Variants in ARHGAP42 observed in about 807,000 individuals in gnomAD.
The protein encoded by ARHGAP42 is Rho GTPase activating protein 42.
A neutral mutation model predicts 125.0 loss-of-function variants in ARHGAP42; 63 were observed. The ratio of observed to expected loss-of-function variants is 0.50; its 90% confidence interval spans 0.41 to 0.62. The LOEUF is 0.62. ARHGAP42 is among the 20% of genes least tolerant of loss of function. The pLI is 0.00. For missense variants in ARHGAP42, 766 were observed against 1,024.2 expected (o/e 0.75, Z 3.44); for synonymous variants, 339 against 351.0 (o/e 0.97, Z 0.38).
chr11:100,962,415 T>A lies in ARHGAP42; in HGVS notation c.1392T>A (p.Leu464=). 1.3e-6 allele frequency: 2 copies of A among 1,551,100 alleles called. No individual in the cohort carries two copies. The highest frequency in any genetic ancestry group is 1.7e-6 in the Non-Finnish European group (2 of 1,146,566). ...TTTCCTTTCTCTGTTGTAGGTGCCTTGCAGAACCACTGATGACTTACAAGT... is the reference window on the plus strand; with the variant it reads ...TTTCCTTTCTCTGTTGTAGGTGCCTAGCAGAACCACTGATGACTTACAAGT... ...TSGLKNYLRC[L]AEPLMTYKLH... Residue 464 remains leucine (L), a synonymous_variant, in exon 16 of 24, where the codon CTT becomes CTA. Coordinates refer to ENST00000298815, the MANE Select transcript of ARHGAP42 (RefSeq NM_152432.4).
chr11:100,976,768 A>G, intron 20 of ARHGAP42, 47 bp from the exon 21 acceptor site: 1 of 1,543,508 alleles, frequency 6.5e-7, no homozygotes. Flanking sequence ...TATTGCTATT[A>G]TGTTGTCTAA....
chr11:100,942,944 A>G (rs572030306), intron 9 of ARHGAP42, among the ~76,000 whole-genome samples: 51 of 152,230 alleles, frequency 3.4e-4, no homozygotes, highest in African/African-American at 9.1e-4. Context: ...CCAAAGTTCT[A>G]TTAATCAATT....
chr11:100,967,682 A>G (rs570577499), intron 17 of ARHGAP42, among the ~76,000 whole-genome samples: 3 of 152,054 alleles, frequency 2.0e-5, no homozygotes, highest in Non-Finnish European at 4.4e-5. Context: ...CTATATATAT[A>G]TGTTTATAAT....
chr11:100,862,276 AG>A (rs879879951), intron 4 of ARHGAP42, among the ~76,000 whole-genome samples: 18 of 152,320 alleles, frequency 1.2e-4, no homozygotes, highest in Admixed American at 1.1e-3. Flanking sequence ...TTTATTTCAG[AG>A]CCTTGACTTA....
intron 1 of ARHGAP42, among the ~76,000 whole-genome samples, chr11:100,721,479 C>CT (rs139031761): frequency 0.24 from 35,208 of 147,574 alleles, 4,242 homozygotes; most frequent in Non-Finnish European, 0.26. Flanking sequence ...CTTTTCTTTT[C>CT]TTTTTTTTTT....
rs10644950 is a variant in ARHGAP42 at position 100,960,232 on chromosome 11, A to ATTT, written c.1225+296_1225+298dup. ...ATTTATTACTGCAAGCACCTCTTTG[A>ATTT]TTTTTTTTTTTCCAAGCATTAAGGA... is the stretch of plus-strand genomic sequence containing the variant. On this transcript the variant is annotated intron_variant, in intron 13 of 23. Coordinates refer to ENST00000298815, the MANE Select transcript of ARHGAP42 (RefSeq NM_152432.4). Among the ~76,000 whole-genome samples, 442 of 147,464 alleles carry ATTT rather than the reference A, an allele frequency of 3.0e-3. 5 individuals carry two copies. The highest frequency in any genetic ancestry group is 8.6e-3 in the African/African-American group (346 of 40,286).
intron 1 of ARHGAP42, among the ~76,000 whole-genome samples, chr11:100,712,345 AT>A (rs1213841068): frequency 1.3e-5 from 2 of 152,242 alleles, no homozygotes; most frequent in Non-Finnish European, 2.9e-5. Context: ...TATCTAGACA[AT>A]TAAATATAAC....
chr11:100,985,274 C>T (rs1241341289), intron 22 of ARHGAP42, among the ~76,000 whole-genome samples: 1 of 152,042 alleles, frequency 6.6e-6, no homozygotes, highest in Non-Finnish European at 1.5e-5. Context: ...CCTTATCGAT[C>T]TCTTTATAAT....
At chr11:100,900,128 C>G (rs1351858440) in intron 4 of ARHGAP42, among the ~76,000 whole-genome samples, 1 of 151,910 alleles carries the variant, frequency 6.6e-6, no homozygotes, top group South Asian at 2.1e-4. Flanking sequence ...TTGGCATTTG[C>G]TTGTTTGTAA....
chr11:100,966,612 A>T (rs1182766246), intron 17 of ARHGAP42, among the ~76,000 whole-genome samples: 4 of 152,194 alleles, frequency 2.6e-5, no homozygotes, highest in African/African-American at 9.6e-5. Flanking sequence ...TGATGATGTC[A>T]TCTGAACAAA....
At chr11:100,786,113 C>G (rs1236364913) in intron 2 of ARHGAP42, among the ~76,000 whole-genome samples, 1 of 152,080 alleles carries the variant, frequency 6.6e-6, no homozygotes, top group Admixed American at 6.5e-5. Flanking sequence ...TAGAGGAGCT[C>G]CCAAATGTGA....
chr11:100,737,218 T>G (rs1862085773), intron 1 of ARHGAP42, among the ~76,000 whole-genome samples: 1 of 152,194 alleles, frequency 6.6e-6, no homozygotes, highest in African/African-American at 2.4e-5. Flanking sequence ...TACTATTAAT[T>G]TTGTTATAAA....
intron 4 of ARHGAP42, among the ~76,000 whole-genome samples, chr11:100,911,243 T>C (rs1248041007): frequency 6.6e-6 from 1 of 152,172 alleles, no homozygotes; most frequent in African/African-American, 2.4e-5. Context: ...TCTGTGAGGG[T>C]CTGTGGTGGC....
chr11:100,915,810 T>G (rs1414015349), intron 5 of ARHGAP42, among the ~76,000 whole-genome samples: 6 of 152,172 alleles, frequency 3.9e-5, no homozygotes, highest in Admixed American at 3.3e-4. Flanking sequence ...TTAAAGTAGC[T>G]TCCCAGGGTA....
At chr11:100,750,867 C>T (rs555164645) in intron 1 of ARHGAP42, among the ~76,000 whole-genome samples, 2 of 151,824 alleles carry the variant, frequency 1.3e-5, no homozygotes, top group Non-Finnish European at 2.9e-5. Context: ...TCAAATCTAA[C>T]AACCACCTCC....
At chr11:100,852,243 T>G (rs1478438553) in intron 3 of ARHGAP42, among the ~76,000 whole-genome samples, 1 of 152,210 alleles carries the variant, frequency 6.6e-6, no homozygotes, top group Admixed American at 6.5e-5. Context: ...TCTTAAACTT[T>G]TAGCAATCTG....
chr11:100,875,103 CTCTCTGTGTGTG>C (rs1220056997), intron 4 of ARHGAP42, among the ~76,000 whole-genome samples: 557 of 52,792 alleles, frequency 0.011, 6 homozygotes, highest in African/African-American at 0.028. Context: ...CTCTCTCTCT[CTCTCTGTGTGTG>C]TGTGTGTGTG....
chr11:100,694,296 C>T (rs955293782), intron 1 of ARHGAP42, among the ~76,000 whole-genome samples: 1 of 152,080 alleles, frequency 6.6e-6, no homozygotes, highest in Non-Finnish European at 1.5e-5. Context: ...CAAATCTTTT[C>T]TCTAGATTCA....
chr11:100,779,726 CATTTAGAACA>C (rs1347756492), intron 2 of ARHGAP42, among the ~76,000 whole-genome samples: 3 of 151,160 alleles, frequency 2.0e-5, no homozygotes, highest in Non-Finnish European at 4.4e-5. Context: ...ACTTTAGAAT[CATTTAGAACA>C]AGTTTTTGGC....
Sources: gnomAD v4.1 joint callset for allele counts (sites outside exome capture counted in the v4.1 genomes callset) on GRCh38, gnomAD v4.1.1 for gene constraint, MANE v1.5 for transcripts, NCBI Gene and HGNC (gene_info 2026-07-23, HGNC 2026-07-21) for gene names.